HHLA1: variants seen among roughly 807,000 people sequenced by gnomAD.
HHLA1 encodes the protein HERV-H LTR-associating protein 1.
In HHLA1, 72 loss-of-function variants were observed where a neutral mutation model predicts 69.9. The observed-to-expected ratio is 1.03, with a 90% CI of 0.85 to 1.25. The LOEUF is 1.25. Ranked by LOEUF, HHLA1 falls within the 50% of genes most tolerant of loss-of-function variation. The pLI is 0.00. For synonymous variants in HHLA1, 252 were observed against 233.2 expected, an observed-to-expected ratio of 1.08 and a Z score of -0.73; for missense variants, 685 against 642.2, an observed-to-expected ratio of 1.07 and a Z score of -0.72.
At chr8:132,081,703 T>C (rs1235817450) in intron 10 of HHLA1, among the ~76,000 whole-genome samples, 2 of 152,044 alleles carry the variant, frequency 1.3e-5, no homozygotes, top group East Asian at 1.9e-4. Flanking sequence ...GACTAAGAGG[T>C]ATTTTAGTTA....
At position 132,085,124 on chromosome 8, in the gene HHLA1, G is replaced by A. The variant is rs555822684; in HGVS notation, c.676+2529C>T. Among the ~76,000 whole-genome samples, 914 of 152,276 alleles carry A rather than the reference G, an allele frequency of 6.0e-3. 6 individuals carry two copies. Among genetic ancestry groups the A allele is most frequent in the African/African-American group, 0.021 (881 of 41,532 alleles). On this transcript the variant is annotated intron_variant, in intron 10 of 16. Transcript: ENST00000414222. ...CGCTAAGGGTGAAGGACCAAGGCAG[G>A]CATCCCTGCGTGGTCTGACACCCTT...
chr8:132,087,910 C>A lies in HHLA1; in HGVS notation c.533-9G>T, dbSNP rs1021560021. On this transcript the variant is annotated splice_polypyrimidine_tract_variant and intron_variant, in intron 8 of 16. Coordinates refer to ENST00000414222, the MANE Select transcript of HHLA1 (RefSeq NM_001145095.3). ...TTCATTGCTTTGATTCACTGTAAGACAAACGAGTATACAATAAGACTTAGC... is the reference window on the plus strand; with the variant it reads ...TTCATTGCTTTGATTCACTGTAAGAAAAACGAGTATACAATAAGACTTAGC... 6.5e-7 allele frequency: 1 copy of A among 1,547,966 alleles called. No homozygotes were observed. Among genetic ancestry groups the A allele is most frequent in the East Asian group, 2.4e-5 (1 of 40,892 alleles).
At chr8:132,104,664 A>G (rs1260304191) in intron 2 of HHLA1, among the ~76,000 whole-genome samples, 1 of 152,184 alleles carries the variant, frequency 6.6e-6, no homozygotes, top group Non-Finnish European at 1.5e-5. Context: ...GAAGGCCAAC[A>G]GTGATGGGGG....
intron 10 of HHLA1, among the ~76,000 whole-genome samples, chr8:132,082,249 G>A (rs1203561704): frequency 2.0e-5 from 3 of 152,352 alleles, no homozygotes; most frequent in African/African-American, 7.2e-5. Flanking sequence ...TATGAGAACT[G>A]TAGAGAGTGA....
intron 15 of HHLA1, among the ~76,000 whole-genome samples, chr8:132,069,342 C>T (rs1249850384): frequency 6.6e-6 from 1 of 152,072 alleles, no homozygotes; most frequent in Non-Finnish European, 1.5e-5. Flanking sequence ...ACATTGCCAA[C>T]TTTCCCACCA....
intron 3 of HHLA1, among the ~76,000 whole-genome samples, chr8:132,101,947 C>T (rs1005029492): frequency 6.6e-6 from 1 of 152,200 alleles, no homozygotes; most frequent in African/African-American, 2.4e-5. Flanking sequence ...CTCTTTAGAA[C>T]TTATTCATCT....
intron 16 of HHLA1, among the ~76,000 whole-genome samples, chr8:132,065,207 C>A (rs1247664822): frequency 6.6e-6 from 1 of 152,210 alleles, no homozygotes; most frequent in Non-Finnish European, 1.5e-5. Context: ...CATAATGAAA[C>A]ATAAATTCTA....
chr8:132,089,347 A>C (rs1262125949), intron 8 of HHLA1, among the ~76,000 whole-genome samples, 169 bp downstream of exon 8: 1 of 152,202 alleles, frequency 6.6e-6, no homozygotes, highest in Non-Finnish European at 1.5e-5. Flanking sequence ...TGGTGCATTT[A>C]CTGGTGTGGA....
In HHLA1 at chr8:132,098,931, C is replaced by T. The variant is rs367849861; in HGVS notation, c.231G>A (p.Ala77=). ...CATTCACAAGCTCTGTCAGGTTAAG[C>T]GCGGACAGATCGATTGACCTTGCGG... ...ELPARSIDLS[A]LNLTELVNGM... is the part of the protein sequence containing the mutation. The change falls in exon 5 of 17, where the codon GCG becomes GCA. Residue 77 remains alanine, a synonymous_variant. Transcript: ENST00000414222. 33 of 1,551,126 alleles carry T rather than the reference C, an allele frequency of 2.1e-5. No individual in the cohort carries two copies. The highest frequency in any genetic ancestry group is 5.5e-5 in the African/African-American group (4 of 73,010).
intron 3 of HHLA1, among the ~76,000 whole-genome samples, chr8:132,102,551 G>A (rs886433434): frequency 2.0e-5 from 3 of 152,214 alleles, no homozygotes; most frequent in Non-Finnish European, 2.9e-5. Flanking sequence ...TCAGGCACCC[G>A]TGTGGCACTT....
chr8:132,086,918 G>C (rs562942823), intron 10 of HHLA1, among the ~76,000 whole-genome samples: 36 of 152,328 alleles, frequency 2.4e-4, no homozygotes, highest in Admixed American at 2.1e-3. Flanking sequence ...TATGTGCAAG[G>C]CACCAAGGGG....
Position 132,104,181 on chromosome 8 carries a change from G to A in HHLA1, c.80-14C>T, listed in dbSNP as rs1433768953. On this transcript the variant is annotated splice_polypyrimidine_tract_variant and intron_variant, in intron 2 of 16. Transcript: ENST00000414222. The stretch of plus-strand genomic sequence containing the variant: ...TGATGCCAGACACTAAAGTAAAAAA[G>A]GTTTAATCACAGAAATTATAACCAA... 9.7e-6 allele frequency: 15 copies of A among 1,540,912 alleles called. No homozygotes were observed. Among genetic ancestry groups the A allele is most frequent in the East Asian group, 4.9e-5 (2 of 40,808 alleles).
chr8:132,064,585 G>A (rs1258063178), intron 16 of HHLA1, among the ~76,000 whole-genome samples: 1 of 152,096 alleles, frequency 6.6e-6, no homozygotes, highest in Non-Finnish European at 1.5e-5. Context: ...GAGAAGACAG[G>A]AAAAGTGGGA....
chr8:132,068,650 C>T (rs1383160913), intron 15 of HHLA1, among the ~76,000 whole-genome samples: 1 of 152,220 alleles, frequency 6.6e-6, no homozygotes, highest in Non-Finnish European at 1.5e-5. Flanking sequence ...CATGATTACA[C>T]CAGCCCCTTG....
At chr8:132,077,416 C>A (rs2130881592) in intron 12 of HHLA1, among the ~76,000 whole-genome samples, 1 of 152,134 alleles carries the variant, frequency 6.6e-6, no homozygotes, top group Non-Finnish European at 1.5e-5. Flanking sequence ...AGGCCCGGGT[C>A]CATCCATCAC....
intron 10 of HHLA1, 47 bp from the exon 11 acceptor site, chr8:132,080,013 G>C: frequency 6.4e-7 from 1 of 1,551,316 alleles, no homozygotes; most frequent in Non-Finnish European, 8.7e-7. Context: ...TGACACTTTG[G>C]GCATAAAAAA....
At chr8:132,076,432 ATCCCC>A in intron 13 of HHLA1, 38 bp downstream of exon 13, 1 of 287,740 alleles carries the variant, frequency 3.5e-6, no homozygotes, top group Non-Finnish European at 6.3e-6. Flanking sequence ...CACCCCTCCC[ATCCCC>A]CACCCCCAAA....
At position 132,095,519 on chromosome 8, in the gene HHLA1, C is replaced by T. The variant is rs1824007700; in HGVS notation, c.448G>A (p.Asp150Asn). 6.5e-7 allele frequency: 1 copy of T among 1,544,150 alleles called. No individual in the cohort carries two copies. The change falls in exon 7 of 17, where the codon GAT becomes AAT. Residue 150 changes from aspartate (D) to asparagine (N), a missense_variant and splice_region_variant. By Grantham distance (23) the Asp-to-Asn change is conservative. Transcript: ENST00000414222. ...AAGCCTCATGGTAAGCTGTACCCAC[C>T]TGATAAGTCATTGGTCCGATTGTTT... ...CLNNRTNDLS[D>N]FTALLVDIIG...
chr8:132,071,671 A>T (rs1420177369), intron 14 of HHLA1, among the ~76,000 whole-genome samples, 178 bp from the exon 15 acceptor site: 1 of 152,182 alleles, frequency 6.6e-6, no homozygotes, highest in African/African-American at 2.4e-5. Flanking sequence ...CAGTTTTAAG[A>T]GTCAGGTGGA....
Sources: allele counts gnomAD v4.1 joint callset (sites outside exome capture counted in the v4.1 genomes callset), GRCh38; gene constraint gnomAD v4.1.1; transcripts MANE v1.5; gene names NCBI Gene and HGNC (gene_info 2026-07-23, HGNC 2026-07-21).